ANO10: variants seen among roughly 807,000 people sequenced by gnomAD.
The protein encoded by ANO10 is anoctamin-10.
In ANO10, 77 loss-of-function variants were observed where a neutral mutation model predicts 74.7. The observed-to-expected ratio is 1.03, with a 90% CI of 0.86 to 1.25. The LOEUF (loss-of-function observed/expected upper bound fraction) is 1.25. Among genes scored for constraint, ANO10 ranks in the 50% most tolerant of loss-of-function variants. ANO10 has a pLI of 0.00. For missense variants in ANO10, 721 were observed against 778.1 expected (o/e 0.93, Z 0.87); for synonymous variants, 279 against 284.9 (o/e 0.98, Z 0.21).
intron 11 of ANO10, among the ~76,000 whole-genome samples, chr3:43,479,248 TAA>T (rs2076180551): frequency 1.3e-5 from 2 of 152,240 alleles, no homozygotes; most frequent in Admixed American, 1.3e-4. Flanking sequence ...TCTCATGTGG[TAA>T]AAACACACAG....
chr3:43,683,864 A>G (rs1268849988), intron 1 of ANO10, among the ~76,000 whole-genome samples: 1 of 152,202 alleles, frequency 6.6e-6, no homozygotes, highest in Non-Finnish European at 1.5e-5. Context: ...TGCTGGGAAA[A>G]CTGGCTAGCC....
At chr3:43,384,494 A>C (rs1272664914) in intron 12 of ANO10, among the ~76,000 whole-genome samples, 2 of 152,200 alleles carry the variant, frequency 1.3e-5, no homozygotes, top group African/African-American at 4.8e-5. Context: ...AAAAAGAACA[A>C]ATCTTGAGGC....
At chr3:43,631,814 G>A (rs2083550937) in intron 1 of ANO10, among the ~76,000 whole-genome samples, 2 of 151,918 alleles carry the variant, frequency 1.3e-5, no homozygotes, top group South Asian at 4.1e-4. Context: ...TGGGTACAGT[G>A]GCTCACACCT....
At chr3:43,612,069 A>ACC (rs2149515436) in intron 1 of ANO10, among the ~76,000 whole-genome samples, 1 of 147,954 alleles carries the variant, frequency 6.8e-6, no homozygotes, top group East Asian at 2.0e-4. Flanking sequence ...TGGCTTCCCC[A>ACC]CCACTATCTG....
At chr3:43,594,199 C>A (rs1020967208) in intron 4 of ANO10, among the ~76,000 whole-genome samples, 11 of 152,160 alleles carry the variant, frequency 7.2e-5, no homozygotes, top group Middle Eastern at 3.2e-3. Context: ...TTAGACAGAT[C>A]CACGAGACAG....
At chr3:43,513,998 ATTTT>A (rs2077612775) in intron 11 of ANO10, among the ~76,000 whole-genome samples, 1 of 150,172 alleles carries the variant, frequency 6.7e-6, no homozygotes. Flanking sequence ...TGCTATTTTT[ATTTT>A]GTTTGCTATA....
At chr3:43,675,660 C>T (rs917272792) in intron 1 of ANO10, among the ~76,000 whole-genome samples, 2 of 152,046 alleles carry the variant, frequency 1.3e-5, no homozygotes, top group African/African-American at 4.8e-5. Flanking sequence ...AAATTAAAGT[C>T]ACAATGGGAC....
rs376874194 is a variant in ANO10, at chr3:43,538,601, C to A, written c.1797+11119G>T. Among the ~76,000 whole-genome samples the A allele has an allele frequency of 8.5e-5, 13 of 152,146 alleles. 1 individual carries two copies. The highest frequency in any genetic ancestry group is 7.7e-4 in the East Asian group (4 of 5,188). ...AGGCATAAAGAACTGGGATCTAACC[C>A]ACAGGACTGAAGAAACGGAAAAAAT... On this transcript the variant is annotated intron_variant, in intron 11 of 12. Transcript: ENST00000292246.
intron 5 of ANO10, among the ~76,000 whole-genome samples, chr3:43,578,304 G>T (rs563260762): frequency 7.2e-5 from 11 of 152,056 alleles, no homozygotes; most frequent in Non-Finnish European, 1.5e-4. Context: ...CTCCACAGCA[G>T]ATGACCTTCC....
chr3:43,657,043 G>C (rs2083865507), intron 1 of ANO10, among the ~76,000 whole-genome samples: 1 of 152,216 alleles, frequency 6.6e-6, no homozygotes, highest in Non-Finnish European at 1.5e-5. Context: ...CTTTAGAAGG[G>C]AATAAACTCT....
intron 4 of ANO10, among the ~76,000 whole-genome samples, chr3:43,581,356 C>T (rs937396186): frequency 6.6e-6 from 1 of 152,226 alleles, no homozygotes; most frequent in Non-Finnish European, 1.5e-5. Context: ...ATGGTTTGAA[C>T]ACTCATGCAT....
At chr3:43,501,012 T>C (rs2149146475) in intron 11 of ANO10, among the ~76,000 whole-genome samples, 1 of 152,308 alleles carries the variant, frequency 6.6e-6, no homozygotes, top group Admixed American at 6.5e-5. Flanking sequence ...AGAAATTAGT[T>C]GTATTCTGAA....
chr3:43,509,282 G>A (rs909958629), intron 11 of ANO10, among the ~76,000 whole-genome samples: 5 of 151,626 alleles, frequency 3.3e-5, no homozygotes, highest in East Asian at 3.9e-4. Flanking sequence ...ATGAGTTAAC[G>A]GGTGCAGCAC....
At position 43,673,786 on chromosome 3, in the gene ANO10, C is replaced by T. The variant is rs965289391; in HGVS notation, c.-12+17731G>A. ...TATTAAAATTCTCTCCCCAAATCAT[C>T]GCGACTTTAAATTTTCTGGGGCTGG... On this transcript the variant is annotated intron_variant, in intron 1 of 3. Coordinates refer to the ANO10 transcript ENST00000413397. Among the ~76,000 whole-genome samples the T allele has an allele frequency of 9.9e-5, 15 of 152,202 alleles. No individual in the cohort carries two copies. The East Asian group carries it at 1.9e-3, about 20-fold the overall frequency.
intron 11 of ANO10, among the ~76,000 whole-genome samples, chr3:43,490,188 C>A (rs2076665304): frequency 6.6e-6 from 1 of 152,164 alleles, no homozygotes; most frequent in South Asian, 2.1e-4. Flanking sequence ...GACATTTAGC[C>A]CTGGCCTCCC....
chr3:43,448,605 T>A (rs2093282990), intron 11 of ANO10, among the ~76,000 whole-genome samples: 1 of 152,226 alleles, frequency 6.6e-6, no homozygotes, highest in Non-Finnish European at 1.5e-5. Flanking sequence ...CCGAAGGACA[T>A]CTTGGTTGCT....
intron 11 of ANO10, among the ~76,000 whole-genome samples, chr3:43,543,084 C>A (rs1446831220): frequency 6.6e-6 from 1 of 152,176 alleles, no homozygotes; most frequent in African/African-American, 2.4e-5. Flanking sequence ...GGGATAGAAT[C>A]CACATTTGTA....
intron 1 of ANO10, among the ~76,000 whole-genome samples, chr3:43,641,146 G>A (rs1166450564): frequency 6.6e-6 from 1 of 152,060 alleles, no homozygotes; most frequent in Non-Finnish European, 1.5e-5. Flanking sequence ...TATAGTTGAG[G>A]ATTCATTTGT....
At chr3:43,516,778 G>C (rs961162385) in intron 11 of ANO10, among the ~76,000 whole-genome samples, 4 of 152,116 alleles carry the variant, frequency 2.6e-5, no homozygotes, top group Non-Finnish European at 5.9e-5. Flanking sequence ...GATCTCCAAA[G>C]GAAAAGAGCA....
Sources: allele counts gnomAD v4.1 joint callset (sites outside exome capture counted in the v4.1 genomes callset), GRCh38; gene constraint gnomAD v4.1.1; transcripts MANE v1.5; gene names NCBI Gene and HGNC (gene_info 2026-07-23, HGNC 2026-07-21).